The following SEMA3A variants were observed in gnomAD, a reference collection of about 807,000 sequenced individuals.
SEMA3A encodes the protein semaphorin-3A.
A neutral mutation model predicts 97.9 loss-of-function variants in SEMA3A; 29 were observed. The observed-to-expected ratio is 0.30, with a 90% CI of 0.22 to 0.40. The LOEUF (loss-of-function observed/expected upper bound fraction) is 0.40, where lower values mean the gene tolerates loss of function less well. Ranked by LOEUF, SEMA3A falls within the 10% of genes least tolerant of loss-of-function variation. The pLI, the probability that SEMA3A is intolerant of heterozygous loss-of-function variation, is 1.00. For synonymous variants in SEMA3A, 321 were observed against 323.7 expected, an observed-to-expected ratio of 0.99 and a Z score of 0.09; for missense variants, 763 against 951.3, an observed-to-expected ratio of 0.80 and a Z score of 2.60.
intron 1 of SEMA3A, among the ~76,000 whole-genome samples, chr7:84,185,692 GAAAAAAAA>G (rs71078810): frequency 3.8e-5 from 3 of 78,132 alleles, no homozygotes; most frequent in African/African-American, 1.6e-4. Context: ...ACTCTGGCAG[GAAAAAAAA>G]AAAAAAAAAA....
chr7:84,152,057 G>C (rs1394262304), intron 1 of SEMA3A, among the ~76,000 whole-genome samples: 3 of 149,830 alleles, frequency 2.0e-5, no homozygotes, highest in Non-Finnish European at 3.0e-5. Flanking sequence ...TGCTGGAGAG[G>C]ATGTGGAGAA....
intron 3 of SEMA3A, among the ~76,000 whole-genome samples, chr7:84,232,848 TTC>T (rs1303927398): frequency 6.6e-6 from 1 of 151,976 alleles, no homozygotes; most frequent in Non-Finnish European, 1.5e-5. Flanking sequence ...GTGCTTTCCC[TTC>T]TCAGCATCAC....
intron 3 of SEMA3A, among the ~76,000 whole-genome samples, chr7:84,125,700 GGA>G (rs1341748502): frequency 1.3e-5 from 2 of 152,106 alleles, no homozygotes; most frequent in African/African-American, 4.8e-5. Context: ...TTAATAACAG[GGA>G]GAGAGAGGCA....
intron 1 of SEMA3A, among the ~76,000 whole-genome samples, chr7:84,150,643 G>A (rs963929130): frequency 6.6e-6 from 1 of 152,160 alleles, no homozygotes; most frequent in African/African-American, 2.4e-5. Context: ...CAAACTGCAA[G>A]GCGGCAGTGA....
chr7:84,128,465 G>A (rs1795866195), intron 3 of SEMA3A, among the ~76,000 whole-genome samples: 1 of 152,040 alleles, frequency 6.6e-6, no homozygotes, highest in Non-Finnish European at 1.5e-5. Context: ...TTGACTTATT[G>A]AATATAAGTA....
intron 1 of SEMA3A, among the ~76,000 whole-genome samples, chr7:84,143,574 G>T (rs999769762): frequency 6.6e-6 from 1 of 151,942 alleles, no homozygotes; most frequent in Non-Finnish European, 1.5e-5. Context: ...TGGAGGTGCA[G>T]ACTGAACACA....
chr7:84,458,454 A>T (rs1805742354), intron 1 of SEMA3A, among the ~76,000 whole-genome samples: 1 of 152,112 alleles, frequency 6.6e-6, no homozygotes, highest in Non-Finnish European at 1.5e-5. Context: ...AATCATAAAA[A>T]AATAATTTGA....
In SEMA3A at chr7:83,963,268, C is replaced by T. The variant is rs367617715; in HGVS notation, c.1797G>A (p.Pro599=). The T allele has an allele frequency of 2.2e-5, 36 of 1,613,590 alleles. No homozygotes were observed. The Middle Eastern group carries it at 4.9e-4, about 22-fold the overall frequency. ...ENSSTFLECS[P]KSQRALVYWQ... ...AATAGACCAGCGCTCTCTGCGACTT[C>T]GGACTGCATTCCAAAAATGTGCTAC... The change falls in exon 16 of 17, where the codon CCG becomes CCA. Residue 599 remains proline (P), a synonymous_variant. Transcript: ENST00000265362.
intron 15 of SEMA3A, among the ~76,000 whole-genome samples, chr7:83,964,308 AAT>A (rs1788588132): frequency 6.6e-6 from 1 of 152,302 alleles, no homozygotes; most frequent in African/African-American, 2.4e-5. Context: ...GAAAATAATA[AAT>A]ATGTTTTACA....
At chr7:84,084,286 T>G (rs888636610) in intron 4 of SEMA3A, among the ~76,000 whole-genome samples, 5 of 152,228 alleles carry the variant, frequency 3.3e-5, no homozygotes, top group Non-Finnish European at 5.9e-5. Flanking sequence ...ACCTGGCTAT[T>G]GTTTTTACTT....
intron 1 of SEMA3A, among the ~76,000 whole-genome samples, chr7:84,485,954 TAA>T (rs1806565249): frequency 1.3e-5 from 2 of 152,206 alleles, no homozygotes; most frequent in Admixed American, 1.3e-4. Flanking sequence ...AAATTTTTGA[TAA>T]GTGTTTTCTT....
At chr7:84,392,705 T>C (rs1803615565) in intron 1 of SEMA3A, among the ~76,000 whole-genome samples, 1 of 152,178 alleles carries the variant, frequency 6.6e-6, no homozygotes, top group Admixed American at 6.6e-5. Flanking sequence ...CTGACACTTA[T>C]TAACATTCAT....
rs549104407 is a variant in SEMA3A at position 84,027,368 on chromosome 7, T to A, written c.668-13017A>T. Among the ~76,000 whole-genome samples the A allele has an allele frequency of 8.7e-4, 133 of 152,328 alleles. 1 individual carries two copies. The South Asian group carries it at 0.026, about 30-fold the overall frequency. Reference sequence around the variant, plus strand: ...TTTTCAAGACCATTTTCAAATATATTTCACGAGTTCTTTCTCTAAATTTGT... The same window carrying A: ...TTTTCAAGACCATTTTCAAATATATATCACGAGTTCTTTCTCTAAATTTGT... On this transcript the variant is annotated intron_variant, in intron 6 of 16. Transcript: ENST00000265362.
At chr7:84,417,941 A>G (rs1520102) in intron 1 of SEMA3A, among the ~76,000 whole-genome samples, 17,465 of 152,184 alleles carry the variant, frequency 0.11, 1,885 homozygotes, top group African/African-American at 0.27. Flanking sequence ...AATATTAAAT[A>G]CTTATTTCTC....
At chr7:84,418,560 C>G (rs936210044) in intron 1 of SEMA3A, among the ~76,000 whole-genome samples, 1 of 152,042 alleles carries the variant, frequency 6.6e-6, no homozygotes, top group Non-Finnish European at 1.5e-5. Context: ...GCCAGTTTGA[C>G]TAAAACAAAG....
chr7:84,211,715 C>T (rs1584130203), intron 3 of SEMA3A, among the ~76,000 whole-genome samples: 4 of 152,140 alleles, frequency 2.6e-5, no homozygotes. Context: ...TGTGAATATG[C>T]CTGAGGAGAC....
At chr7:84,137,399 T>TTAA (rs1584022231) in intron 1 of SEMA3A, among the ~76,000 whole-genome samples, 1 of 47,168 alleles carries the variant, frequency 2.1e-5, no homozygotes, top group Non-Finnish European at 5.3e-5. Flanking sequence ...ACATTCAGTC[T>TTAA]CAAAAAAAAA....
In SEMA3A at chr7:84,286,737, C is replaced by T. The variant is rs111447897; in HGVS notation, c.-83+20470G>A. Among the ~76,000 whole-genome samples, 119 of 152,230 alleles carry T rather than the reference C, an allele frequency of 7.8e-4. 1 individual carries two copies. The highest frequency in any genetic ancestry group is 2.7e-3 in the African/African-American group (111 of 41,554). ...AAAAAAACCCCTTTCCATCCACACC[C>T]TAACTCAGAGCAGCTCTTATTCTTC... On this transcript the variant is annotated intron_variant, in intron 3 of 3. Coordinates refer to the SEMA3A transcript ENST00000424555.
intron 3 of SEMA3A, among the ~76,000 whole-genome samples, chr7:84,282,913 C>T (rs1394420201): frequency 6.6e-6 from 1 of 151,950 alleles, no homozygotes; most frequent in Non-Finnish European, 1.5e-5. Flanking sequence ...ACTTGGGAGG[C>T]TGAGGCAGGA....
Sources: allele counts gnomAD v4.1 joint callset (sites outside exome capture counted in the v4.1 genomes callset), GRCh38; gene constraint gnomAD v4.1.1; transcripts MANE v1.5; gene names NCBI Gene and HGNC (gene_info 2026-07-23, HGNC 2026-07-21).